Variants in SSBP4 observed in about 807,000 individuals in gnomAD.
SSBP4 encodes the protein single-stranded DNA-binding protein 4.
A neutral mutation model predicts 64.6 loss-of-function variants in SSBP4; 33 were observed. The observed-to-expected ratio is 0.51, with a 90% CI of 0.39 to 0.68. The LOEUF (loss-of-function observed/expected upper bound fraction) is 0.68, where lower values mean the gene tolerates loss of function less well. SSBP4 is among the 30% of genes least tolerant of loss of function. The pLI, the probability that SSBP4 is intolerant of heterozygous loss-of-function variation, is 0.00. For missense variants in SSBP4, 583 were observed against 566.8 expected (o/e 1.03, Z -0.29); for synonymous variants, 243 against 224.0 (o/e 1.08, Z -0.76).
the SSBP4 span, among the ~76,000 whole-genome samples, chr19:18,407,476 G>A: frequency 6.6e-6 from 1 of 152,146 alleles, no homozygotes; most frequent in Non-Finnish European, 1.5e-5. Context: ...GAGTGCAGTG[G>A]CGTGATCTGG....
chr19:18,403,462 C>T, the SSBP4 span, among the ~76,000 whole-genome samples: 2 of 152,178 alleles, frequency 1.3e-5, no homozygotes, highest in Non-Finnish European at 2.9e-5. Context: ...GCCACCCCTT[C>T]ATGCAGGTCT....
Position 18,426,872 on chromosome 19 carries a change from C to G in SSBP4, c.60-479C>G, listed in dbSNP as rs993625767. Among the ~76,000 whole-genome samples, 6 of 152,160 alleles carry G rather than the reference C, an allele frequency of 3.9e-5. No individual in the cohort carries two copies. Among genetic ancestry groups the G allele is most frequent in the Admixed American group, 2.0e-4 (3 of 15,286 alleles). On this transcript the variant is annotated intron_variant, in intron 1 of 17. Transcript: ENST00000270061. This position sits in a 1 kb window ranked among gnomAD's most constrained non-coding sequence, Gnocchi z 4.5. Reference sequence around the variant, plus strand: ...AGGCCACCATGGTGGATGGGCATCTCTTCCCCAAGGAAGAGATGGGGTCCA... The same window carrying G: ...AGGCCACCATGGTGGATGGGCATCTGTTCCCCAAGGAAGAGATGGGGTCCA...
At chr19:18,433,526 G>T in intron 15 of SSBP4, 59 bp from the exon 16 acceptor site, 6 of 1,541,874 alleles carry the variant, frequency 3.9e-6, no homozygotes, top group Non-Finnish European at 5.2e-6. Context: ...GCCCCTGGAG[G>T]CCGAGGGGCA....
chr19:18,430,700 C>T (rs1173355743), intron 4 of SSBP4, 141 bp from the exon 5 acceptor site: 4 of 665,926 alleles, frequency 6.0e-6, no homozygotes, highest in East Asian at 3.0e-5. Flanking sequence ...ATCCTCAGGC[C>T]GACAACCCCA....
chr19:18,425,010 G>C (rs1057299994), intron 1 of SSBP4, among the ~76,000 whole-genome samples: 3 of 151,278 alleles, frequency 2.0e-5, no homozygotes, highest in Non-Finnish European at 4.4e-5. Flanking sequence ...ATCAAAACAG[G>C]ACGGGCGGCC....
Position 18,419,622 on chromosome 19 carries a change from G to A in SSBP4, c.-27G>A, listed in dbSNP as rs971630175. On this transcript the variant is annotated 5_prime_UTR_variant, in exon 1 of 18. Transcript: ENST00000270061. ...CCGCGGCGCCGCCTGACAGGTGTGG[G>A]CCCCGGCGGCGGCGGCGTGGAGCAG... 1.6e-6 allele frequency: 2 copies of A among 1,263,830 alleles called. No homozygotes were observed. The highest frequency in any genetic ancestry group is 2.0e-6 in the Non-Finnish European group (2 of 999,676). The allele number at this position is 1,263,830 out of a possible 1,614,324, so 78.3% of individuals were successfully genotyped here.
At chr19:18,408,094 C>T in the SSBP4 span, among the ~76,000 whole-genome samples, 3 of 152,150 alleles carry the variant, frequency 2.0e-5, no homozygotes, top group Non-Finnish European at 2.9e-5. Context: ...TTGGGAGAGT[C>T]GTGGGGAAAT....
At chr19:18,433,454 G>A (rs1460926283) in intron 15 of SSBP4, 131 bp from the exon 16 acceptor site, 1 of 1,468,022 alleles carries the variant, frequency 6.8e-7, no homozygotes, top group Non-Finnish European at 9.2e-7. Flanking sequence ...TCAGTCCCGG[G>A]GTTCCTGGCG....
chr19:18,429,079 G>C (rs1973102868), intron 4 of SSBP4, among the ~76,000 whole-genome samples: 1 of 152,116 alleles, frequency 6.6e-6, no homozygotes, highest in African/African-American at 2.4e-5. Context: ...AGACCGCAGG[G>C]CCCAGGGCGG....
At chr19:18,410,477 A>G in the SSBP4 span, among the ~76,000 whole-genome samples, 17 of 152,274 alleles carry the variant, frequency 1.1e-4, no homozygotes, top group Middle Eastern at 3.4e-3. Context: ...TCTCTAGAAA[A>G]AAATATGGAC....
the SSBP4 span, among the ~76,000 whole-genome samples, chr19:18,404,873 C>T: frequency 8.1e-6 from 1 of 123,800 alleles, no homozygotes; most frequent in African/African-American, 3.2e-5. Flanking sequence ...GCGCAGGTAA[C>T]AGAGCGAGAC....
chr19:18,411,998 C>A, the SSBP4 span, among the ~76,000 whole-genome samples: 1 of 150,872 alleles, frequency 6.6e-6, no homozygotes, highest in Non-Finnish European at 1.5e-5. Context: ...ACCCCCCACA[C>A]ACACACACAA....
chr19:18,403,604 G>C, the SSBP4 span, among the ~76,000 whole-genome samples: 1 of 151,558 alleles, frequency 6.6e-6, no homozygotes, highest in Non-Finnish European at 1.5e-5. Context: ...AGGGTCCTGG[G>C]CTCTGGGGAT....
upstream of SSBP4, among the ~76,000 whole-genome samples, chr19:18,416,645 C>G (rs1347235965): frequency 1.3e-5 from 2 of 152,236 alleles, no homozygotes; most frequent in Non-Finnish European, 2.9e-5. Context: ...CTTCACCCTG[C>G]CCCGGCCACG....
At chr19:18,432,906 G>T (rs774428674) in intron 13 of SSBP4, 23 bp downstream of exon 13, 1 of 1,614,022 alleles carries the variant, frequency 6.2e-7, no homozygotes, top group East Asian at 2.2e-5. Context: ...AAGAGGTGGG[G>T]GTGTGCTAGG....
In SSBP4 at chr19:18,433,836, T is replaced by C. The variant is rs1291675781; in HGVS notation, c.1128+19T>C. The C allele has an allele frequency of 9.6e-6, 13 of 1,350,760 alleles. No individual in the cohort carries two copies. Among genetic ancestry groups the C allele is most frequent in the African/African-American group, 6.9e-5 (4 of 57,840 alleles). The allele number at this position is 1,350,760 out of a possible 1,614,324, so 83.7% of individuals were successfully genotyped here. A position where few individuals can be genotyped will look rare whatever the true frequency, so the allele number is the denominator to read the frequency against. On this transcript the variant is annotated intron_variant, in intron 17 of 17. Coordinates refer to ENST00000270061, the MANE Select transcript of SSBP4 (RefSeq NM_032627.5). Reference sequence around the variant, plus strand: ...CGAAAGCGTAAGCGACTGCGTCGACTCCCCCCCCGCGGCGGCGTCGGGCCG... The same window carrying C: ...CGAAAGCGTAAGCGACTGCGTCGACCCCCCCCCCGCGGCGGCGTCGGGCCG...
intron 1 of SSBP4, among the ~76,000 whole-genome samples, chr19:18,424,904 G>A (rs542077989): frequency 2.0e-5 from 3 of 151,972 alleles, no homozygotes; most frequent in South Asian, 2.1e-4. Context: ...TCAGGGTGTC[G>A]AGGCTGGGCC....
In SSBP4 at chr19:18,427,244, T is replaced by C; in HGVS notation, c.60-107T>C. ...CTATGAGCTGTCCCTGCTGAGCAGC[T>C]GGTGGGGAGGCCACCTTTCCACCCG... On this transcript the variant is annotated intron_variant, in intron 1 of 17. Coordinates refer to ENST00000270061, the MANE Select transcript of SSBP4 (RefSeq NM_032627.5). The surrounding 1 kb of genome is among the most constrained non-coding windows in gnomAD (Gnocchi z 4.4). The C allele has an allele frequency of 8.9e-7, 1 of 1,123,806 alleles. No homozygotes were observed. The highest frequency in any genetic ancestry group is 1.3e-6 in the Non-Finnish European group (1 of 775,372). 69.6% of individuals were successfully genotyped at this position (1,123,806 alleles called of 1,614,324 possible).
chr19:18,431,796 C>T lies in SSBP4; in HGVS notation c.499C>T (p.Pro167Ser). The T allele has an allele frequency of 6.4e-7, 1 of 1,557,408 alleles. No individual in the cohort carries two copies. Among genetic ancestry groups the T allele is most frequent in the Non-Finnish European group, 8.7e-7 (1 of 1,149,694 alleles). Residue 167 changes from proline (P) to serine (S), a missense_variant, in exon 8 of 18, where the codon CCC becomes TCC. Transcript: ENST00000270061. ...RPTLRMPSQP[P>S]AGLPGSQPLL... ...TGCCGCCGCACCCCCTCCGCAGCCTCCCGCAGGCCTCCCTGGCTCCCAGCC... is the reference window on the plus strand; with the variant it reads ...TGCCGCCGCACCCCCTCCGCAGCCTTCCGCAGGCCTCCCTGGCTCCCAGCC...
Sources: gnomAD v4.1 joint callset for allele counts (sites outside exome capture counted in the v4.1 genomes callset) on GRCh38, gnomAD v4.1.1 for gene constraint, Gnocchi (gnomAD v3.1) non-coding constraint, MANE v1.5 for transcripts, NCBI Gene and HGNC (gene_info 2026-07-23, HGNC 2026-07-21) for gene names.